PTPRD: variants seen among roughly 807,000 people sequenced by gnomAD.
PTPRD encodes receptor-type tyrosine-protein phosphatase delta.
PTPRD carries 34 observed loss-of-function variants against 214.5 expected under a neutral mutation model. That is an observed-to-expected ratio of 0.16 (90% CI 0.12 to 0.21). The LOEUF (loss-of-function observed/expected upper bound fraction) is 0.21, where lower values mean the gene tolerates loss of function less well. Among genes scored for constraint, PTPRD ranks in the 10% least tolerant of loss-of-function variants. The probability of loss-of-function intolerance (pLI) is 1.00; values close to 1 mark genes in which losing one functional copy is unlikely to be tolerated. For synonymous variants in PTPRD, 1,128 were observed against 845.7 expected, an observed-to-expected ratio of 1.33 and a Z score of -5.79; for missense variants, 2,545 against 2,398.7, an observed-to-expected ratio of 1.06 and a Z score of -1.27.
intron 12 of PTPRD, chr9:8,701,500 G>C (rs1001543517): frequency 3.3e-5 from 5 of 152,204 alleles, no homozygotes; most frequent in Non-Finnish European, 7.3e-5. Context: ...GCCGGGCGTG[G>C]TGGCACATGC....
At chr9:9,606,838 G>C (rs545014505) in intron 7 of PTPRD, among the ~76,000 whole-genome samples, 2 of 151,730 alleles carry the variant, frequency 1.3e-5, no homozygotes, top group African/African-American at 4.8e-5. Context: ...CACACAGATT[G>C]TGTCTGACTA....
chr9:9,123,984 T>C (rs899445808), intron 10 of PTPRD, among the ~76,000 whole-genome samples: 1 of 151,662 alleles, frequency 6.6e-6, no homozygotes, highest in African/African-American at 2.4e-5. Flanking sequence ...TATTGGTTTA[T>C]GTAGGCATAT....
At chr9:8,435,830 C>A (rs940429970) in intron 35 of PTPRD, among the ~76,000 whole-genome samples, 10 of 152,210 alleles carry the variant, frequency 6.6e-5, no homozygotes, top group Non-Finnish European at 8.8e-5. Flanking sequence ...TTCAGCGCAC[C>A]ATTCCTTCAA....
chr9:9,389,426 C>T (rs1206221005), intron 9 of PTPRD, among the ~76,000 whole-genome samples: 1 of 152,110 alleles, frequency 6.6e-6, no homozygotes, highest in Non-Finnish European at 1.5e-5. Context: ...AGGAGAATTG[C>T]TTGAACCCGG....
At chr9:9,716,452 T>A in intron 7 of PTPRD, among the ~76,000 whole-genome samples, 1 of 151,982 alleles carries the variant, frequency 6.6e-6, no homozygotes, top group East Asian at 1.9e-4. Context: ...AGGGTTGAAC[T>A]AGTTTACAGT....
chr9:9,111,587 G>C (rs1417559400), intron 10 of PTPRD, among the ~76,000 whole-genome samples: 4 of 152,112 alleles, frequency 2.6e-5, no homozygotes, highest in Non-Finnish European at 5.9e-5. Flanking sequence ...CTATCAGATT[G>C]CATTTTACAT....
chr9:9,719,934 C>G (rs1371271021), intron 7 of PTPRD, among the ~76,000 whole-genome samples: 1 of 152,188 alleles, frequency 6.6e-6, no homozygotes, highest in Non-Finnish European at 1.5e-5. Context: ...AAGTAGCCAA[C>G]ATGACTAACT....
chr9:9,336,685 A>C (rs528650445), intron 9 of PTPRD, among the ~76,000 whole-genome samples: 1 of 152,310 alleles, frequency 6.6e-6, no homozygotes, highest in Non-Finnish European at 1.5e-5. Context: ...TAAATGATAA[A>C]TATCTATGAG....
Position 9,033,956 on chromosome 9 carries a change from T to C in PTPRD, c.-142-15221A>G, listed in dbSNP as rs181100451. ...CTCACTCAGGGGGAAACTCCATTAA[T>C]TTTACCTGAATAAAAACTGCAGAAC... is the stretch of plus-strand genomic sequence containing the variant. On this transcript the variant is annotated intron_variant, in intron 10 of 45. Transcript: ENST00000381196. 7.9e-5 allele frequency among the ~76,000 whole-genome samples: 12 copies of C among 152,218 alleles called. No homozygotes were observed. In the East Asian group the frequency reaches 2.3e-3, roughly 29 times the overall value.
intron 7 of PTPRD, among the ~76,000 whole-genome samples, chr9:9,638,702 G>A (rs781237407): frequency 5.9e-5 from 9 of 152,104 alleles, no homozygotes; most frequent in Non-Finnish European, 1.2e-4. Context: ...AAGGCAACAG[G>A]CCACTTCTCT....
chr9:9,716,450 A>G (rs896332603), intron 7 of PTPRD, among the ~76,000 whole-genome samples: 2 of 151,892 alleles, frequency 1.3e-5, no homozygotes, highest in African/African-American at 4.8e-5. Flanking sequence ...CAAGGGTTGA[A>G]CTAGTTTACA....
intron 2 of PTPRD, among the ~76,000 whole-genome samples, chr9:10,362,365 G>A (rs2097410604): frequency 6.9e-6 from 1 of 145,044 alleles, no homozygotes; most frequent in Non-Finnish European, 1.5e-5. Flanking sequence ...TCAGATGAGA[G>A]AATTGAGGAA....
At chr9:8,745,251 G>C (rs1032790019) in intron 11 of PTPRD, among the ~76,000 whole-genome samples, 1 of 152,172 alleles carries the variant, frequency 6.6e-6, no homozygotes, top group Non-Finnish European at 1.5e-5. Flanking sequence ...TCAGAGGAGG[G>C]CTTAGAACCA....
chr9:10,444,100 A>G (rs1012207589), intron 2 of PTPRD, among the ~76,000 whole-genome samples: 2 of 151,694 alleles, frequency 1.3e-5, no homozygotes, highest in Non-Finnish European at 3.0e-5. Flanking sequence ...ACATGCTTAC[A>G]TTTCTGTTGT....
At chr9:9,804,115 A>T (rs559630863) in intron 5 of PTPRD, among the ~76,000 whole-genome samples, 2 of 152,202 alleles carry the variant, frequency 1.3e-5, no homozygotes, top group Admixed American at 6.6e-5. Flanking sequence ...ATCAGCTTCT[A>T]ACCTCAAGAA....
chr9:9,428,979 T>C (rs1478536891), intron 8 of PTPRD, among the ~76,000 whole-genome samples: 1 of 151,826 alleles, frequency 6.6e-6, no homozygotes, highest in Admixed American at 6.6e-5. Flanking sequence ...CACCCTAATA[T>C]CACAATTAAA....
chr9:8,676,578 G>C (rs1052901423), intron 12 of PTPRD, among the ~76,000 whole-genome samples: 1 of 150,590 alleles, frequency 6.6e-6, no homozygotes, highest in African/African-American at 2.4e-5. Context: ...TTTTTGTTTT[G>C]ATTGTTTGTT....
chr9:9,921,767 TAA>T (rs1555338471), intron 5 of PTPRD, among the ~76,000 whole-genome samples: 2 of 148,064 alleles, frequency 1.4e-5, no homozygotes, highest in African/African-American at 2.5e-5. Context: ...AAAAAAAAAC[TAA>T]AGATAGTAGA....
intron 10 of PTPRD, among the ~76,000 whole-genome samples, chr9:9,160,081 T>G (rs936866993): frequency 6.6e-6 from 1 of 152,128 alleles, no homozygotes; most frequent in Non-Finnish European, 1.5e-5. Context: ...AAATGGAAGA[T>G]CTACAACTAT....
Sources: allele counts gnomAD v4.1 joint callset (sites outside exome capture counted in the v4.1 genomes callset), GRCh38; gene constraint gnomAD v4.1.1; transcripts MANE v1.5; gene names NCBI Gene and HGNC (gene_info 2026-07-23, HGNC 2026-07-21).